Variants in MTM1 observed in about 807,000 individuals in gnomAD.
MTM1 encodes the protein myotubularin 1, also known as myotubularin.
Under a neutral mutation model 52.1 loss-of-function variants are expected in MTM1, and 9 were observed. The observed-to-expected ratio is 0.17, with a 90% confidence interval of 0.10 to 0.30. The LOEUF (loss-of-function observed/expected upper bound fraction) is 0.30, where lower values mean the gene tolerates loss of function less well. MTM1 is among the 10% of genes least tolerant of loss of function. MTM1 has a pLI of 1.00. For synonymous variants in MTM1, 136 were observed against 163.8 expected, an observed-to-expected ratio of 0.83 and a Z score of 1.29; for missense variants, 277 against 470.7, an observed-to-expected ratio of 0.59 and a Z score of 3.81.
intron 6 of MTM1, among the ~76,000 whole-genome samples, chrX:150,628,425 C>T (rs1025737821): frequency 9.0e-6 from 1 of 111,441 alleles, no homozygotes; most frequent in Non-Finnish European, 1.9e-5. Context: ...CATCCTTCTA[C>T]CATCTAGACA....
chrX:150,600,477 AC>A (rs1438087418), intron 4 of MTM1, among the ~76,000 whole-genome samples: 1 of 112,089 alleles, frequency 8.9e-6, no homozygotes, highest in Admixed American at 9.5e-5. Context: ...ACAAAATGTA[AC>A]AATAGCCCCA....
At chrX:150,624,202 G>A (rs370018857) in intron 6 of MTM1, among the ~76,000 whole-genome samples, 10 of 111,771 alleles carry the variant, frequency 8.9e-5, no homozygotes, top group East Asian at 8.4e-4. Flanking sequence ...GGTAAGATGC[G>A]CACTTTTTTT....
intron 1 of MTM1, among the ~76,000 whole-genome samples, chrX:150,579,011 A>G (rs1603093759): frequency 1.5e-5 from 1 of 65,860 alleles, no homozygotes; most frequent in Admixed American, 2.1e-4. Context: ...ATATGTATCT[A>G]TATATCTCTA....
chrX:150,575,570 C>T lies in MTM1; in HGVS notation c.-11+6908C>T, dbSNP rs782067939. 7.2e-5 allele frequency among the ~76,000 whole-genome samples: 8 copies of T among 111,533 alleles called. No individual in the cohort carries two copies. The South Asian group carries it at 3.1e-3, about 43-fold the overall frequency. On this transcript the variant is annotated intron_variant, in intron 1 of 14. Transcript: ENST00000370396. ...ATGCCAACAGTGTTGCTCTGTGGCT[C>T]CCACTCAGAGCAGCAAGCCACATCA...
chrX:150,574,035 G>A (rs782524991), intron 1 of MTM1, among the ~76,000 whole-genome samples: 4 of 111,646 alleles, frequency 3.6e-5, no homozygotes, highest in African/African-American at 1.3e-4. Flanking sequence ...GTTCTGAGGT[G>A]TTCCTTGCCC....
chrX:150,658,066 C>T, intron 11 of MTM1, 39 bp downstream of exon 11: 1 of 1,030,520 alleles, frequency 9.7e-7, no homozygotes, highest in South Asian at 1.9e-5. Flanking sequence ...TAGATCACTA[C>T]CATTCAGGAT....
Position 150,601,156 on chromosome X carries a change from C to G in MTM1, c.231+2470C>G, listed in dbSNP as rs1398780996. Among the ~76,000 whole-genome samples the G allele has an allele frequency of 6.3e-5, 7 of 111,367 alleles. No homozygotes were observed. In the East Asian group the frequency reaches 1.7e-3, roughly 27 times the overall value. On this transcript the variant is annotated intron_variant, in intron 4 of 14. Transcript: ENST00000370396. ...TTTATTTTTGTTTGTATATGATGCCCTAGAGGATGGAGTTAGTGCTGAGTG... is the reference window on the plus strand; with the variant it reads ...TTTATTTTTGTTTGTATATGATGCCGTAGAGGATGGAGTTAGTGCTGAGTG...
chrX:150,575,031 G>A (rs917266869), intron 1 of MTM1, among the ~76,000 whole-genome samples: 4 of 112,304 alleles, frequency 3.6e-5, no homozygotes, highest in African/African-American at 1.3e-4. Context: ...TGCAGCCTCC[G>A]CTGCAACTTC....
chrX:150,565,630 G>A (rs953801345), upstream of MTM1, among the ~76,000 whole-genome samples: 2 of 111,084 alleles, frequency 1.8e-5, no homozygotes, highest in African/African-American at 3.3e-5. Context: ...GGAGGTGAGA[G>A]GCCAGAGGTG....
At chrX:150,567,850 G>A (rs1469756355), upstream of MTM1, among the ~76,000 whole-genome samples, 3 of 112,350 alleles carry the variant, frequency 2.7e-5, no homozygotes, top group African/African-American at 9.7e-5. Flanking sequence ...CACCGCGCCC[G>A]GCCCAGATTG....
At chrX:150,609,065 G>A (rs2039226849) in intron 4 of MTM1, among the ~76,000 whole-genome samples, 1 of 110,711 alleles carries the variant, frequency 9.0e-6, no homozygotes. Flanking sequence ...GACCTCAGGT[G>A]ATCCACCAAC....
rs782480422 is a variant in MTM1, at chrX:150,638,978, C to T, written c.480C>T (p.Asn160=). ...LFAFLNEEKF[N]VDGWTVYNPV... Reference sequence around the variant, plus strand: ...CATTTTTAAATGAAGAAAAGTTTAACGTGGATGGATGGACAGTTTACAATC... The same window carrying T: ...CATTTTTAAATGAAGAAAAGTTTAATGTGGATGGATGGACAGTTTACAATC... Residue 160 remains asparagine (N), a synonymous_variant, in exon 7 of 15, where the codon AAC becomes AAT. Transcript: ENST00000370396. 10 of 1,207,068 alleles carry T rather than the reference C, an allele frequency of 8.3e-6. No individual in the cohort carries two copies. The African/African-American group carries it at 1.1e-4, about 13-fold the overall frequency.
At chrX:150,633,618 C>G (rs2039705079) in intron 6 of MTM1, among the ~76,000 whole-genome samples, 2 of 110,692 alleles carry the variant, frequency 1.8e-5, no homozygotes, top group Admixed American at 9.6e-5. Flanking sequence ...ATTACTGTAC[C>G]CTTAAATGGT....
intron 1 of MTM1, among the ~76,000 whole-genome samples, chrX:150,586,323 G>C (rs1557412252): frequency 9.0e-6 from 1 of 111,412 alleles, no homozygotes; most frequent in Admixed American, 9.6e-5. Context: ...AGTAAATATA[G>C]TTAGATTTGT....
intron 1 of MTM1, among the ~76,000 whole-genome samples, chrX:150,577,071 A>G (rs1482435883): frequency 1.8e-5 from 2 of 112,401 alleles, no homozygotes; most frequent in Non-Finnish European, 3.8e-5. Context: ...CTTATGTGGT[A>G]TTTTTGTGGC....
intron 10 of MTM1, among the ~76,000 whole-genome samples, chrX:150,650,282 T>G (rs2039998620): frequency 9.1e-6 from 1 of 110,442 alleles, no homozygotes; most frequent in African/African-American, 3.3e-5. Flanking sequence ...TTTTGTTTTT[T>G]GAAACTAATC....
At chrX:150,592,712 C>T (rs2038906819) in intron 2 of MTM1, 35 bp downstream of exon 2, 5 of 957,851 alleles carry the variant, frequency 5.2e-6, no homozygotes, top group Non-Finnish European at 6.0e-6. Flanking sequence ...TGTCTCTTTC[C>T]TTGCATTTAT....
intron 1 of MTM1, among the ~76,000 whole-genome samples, chrX:150,572,985 A>T (rs782062798): frequency 8.8e-6 from 1 of 113,012 alleles, no homozygotes; most frequent in Admixed American, 9.3e-5. Context: ...TAACTCCTAC[A>T]TATTTCAGTA....
intron 6 of MTM1, among the ~76,000 whole-genome samples, chrX:150,622,899 G>T (rs2148466511): frequency 8.9e-6 from 1 of 112,082 alleles, no homozygotes; most frequent in Admixed American, 9.4e-5. Context: ...GCAAGCCACT[G>T]AAGGCCTGCC....
Sources: gnomAD v4.1 joint callset for allele counts (sites outside exome capture counted in the v4.1 genomes callset) on GRCh38, gnomAD v4.1.1 for gene constraint, MANE v1.5 for transcripts, NCBI Gene and HGNC (gene_info 2026-07-23, HGNC 2026-07-21) for gene names.